TCF12: variants seen among roughly 807,000 people sequenced by gnomAD.
The protein encoded by TCF12 is transcription factor 12.
In TCF12, 45 loss-of-function variants were observed where a neutral mutation model predicts 86.0. The ratio of observed to expected loss-of-function variants is 0.52; its 90% CI spans 0.41 to 0.67. The LOEUF is 0.67. TCF12 is among the 30% of genes least tolerant of loss of function. TCF12 has a pLI of 0.00. For synonymous variants in TCF12, 330 were observed against 299.6 expected, an observed-to-expected ratio of 1.10 and a Z score of -1.05; for missense variants, 881 against 859.9, an observed-to-expected ratio of 1.02 and a Z score of -0.31.
At chr15:57,158,352 G>A (rs2054269305) in intron 5 of TCF12, among the ~76,000 whole-genome samples, 1 of 151,750 alleles carries the variant, frequency 6.6e-6, no homozygotes, top group South Asian at 2.1e-4. Context: ...ATGATTTTTT[G>A]TATTTTTTGT....
At chr15:57,070,853 A>C (rs997951503) in intron 4 of TCF12, among the ~76,000 whole-genome samples, 1 of 152,148 alleles carries the variant, frequency 6.6e-6, no homozygotes, top group Admixed American at 6.5e-5. Context: ...TGGGTAGTTC[A>C]TTTACATTTG....
chr15:57,256,978 C>A (rs1277212105), intron 16 of TCF12, among the ~76,000 whole-genome samples: 1 of 152,098 alleles, frequency 6.6e-6, no homozygotes, highest in Non-Finnish European at 1.5e-5. Context: ...CTATAAAGGG[C>A]CAGAGAGTAA....
Position 57,005,345 on chromosome 15 carries a change from G to T in TCF12, c.149-58405G>T, listed in dbSNP as rs577835426. Among the ~76,000 whole-genome samples, 26 of 152,074 alleles carry T rather than the reference G, an allele frequency of 1.7e-4. No individual in the cohort carries two copies. The South Asian group carries it at 5.4e-3, about 32-fold the overall frequency. The stretch of plus-strand genomic sequence containing the variant: ...TGCATATACTATATAAACACTGCAC[G>T]TGTTTCCTAGATTTATATGATTGTG... On this transcript the variant is annotated intron_variant, in intron 3 of 20. Transcript: ENST00000333725.
At chr15:57,155,447 C>T (rs1167906081) in intron 5 of TCF12, among the ~76,000 whole-genome samples, 1 of 152,102 alleles carries the variant, frequency 6.6e-6, no homozygotes, top group Non-Finnish European at 1.5e-5. Context: ...CTGGAGACAG[C>T]TCAATGAAAA....
intron 5 of TCF12, among the ~76,000 whole-genome samples, chr15:57,100,681 A>G (rs1596527051): frequency 6.6e-6 from 1 of 152,200 alleles, no homozygotes; most frequent in South Asian, 2.1e-4. Context: ...AACTGGATAA[A>G]TAATATGTTA....
At chr15:57,208,850 G>T (rs1006120221) in intron 8 of TCF12, among the ~76,000 whole-genome samples, 1 of 151,790 alleles carries the variant, frequency 6.6e-6, no homozygotes, top group African/African-American at 2.4e-5. Flanking sequence ...TGAGTAACTG[G>T]GACTACAGGC....
intron 3 of TCF12, among the ~76,000 whole-genome samples, chr15:56,998,794 C>T (rs556026075): frequency 9.9e-5 from 15 of 152,168 alleles, no homozygotes; most frequent in African/African-American, 3.6e-4. Context: ...TTAATACAAA[C>T]CTTAACAAAT....
At chr15:56,932,650 C>T (rs1864754569) in intron 3 of TCF12, among the ~76,000 whole-genome samples, 1 of 152,022 alleles carries the variant, frequency 6.6e-6, no homozygotes, top group Admixed American at 6.5e-5. Flanking sequence ...CTCACTGCAA[C>T]CTTTGCCTTC....
chr15:56,918,636 C>T (rs1340146611), upstream of TCF12: 6 of 201,586 alleles, frequency 3.0e-5, no homozygotes, highest in African/African-American at 1.4e-4. Flanking sequence ...GCGGAGGGAT[C>T]CGGAGGCGAG....
chr15:57,054,331 T>C (rs539993878), intron 3 of TCF12, among the ~76,000 whole-genome samples: 12 of 152,244 alleles, frequency 7.9e-5, no homozygotes, highest in Non-Finnish European at 1.0e-4. Flanking sequence ...TTGATAGTTA[T>C]GCAGAAACTG....
At chr15:57,022,013 C>A (rs1174926207) in intron 3 of TCF12, among the ~76,000 whole-genome samples, 1 of 151,838 alleles carries the variant, frequency 6.6e-6, no homozygotes, top group Non-Finnish European at 1.5e-5. Flanking sequence ...TAATCATAAA[C>A]CCTGGTGATC....
intron 3 of TCF12, among the ~76,000 whole-genome samples, chr15:57,061,952 CAG>C (rs1178303914): frequency 6.6e-6 from 1 of 151,620 alleles, no homozygotes; most frequent in Non-Finnish European, 1.5e-5. Context: ...GAGATGGTAA[CAG>C]TGTTTTTTTT....
chr15:56,919,745 C>G (rs572900763), intron 1 of TCF12, 147 bp from the exon 2 acceptor site: 2 of 633,206 alleles, frequency 3.2e-6, no homozygotes, highest in East Asian at 6.3e-5. Context: ...GCCCCTTGCT[C>G]GCGCCGCGGT....
At chr15:57,222,786 T>TTA in intron 8 of TCF12, among the ~76,000 whole-genome samples, 1 of 141,068 alleles carries the variant, frequency 7.1e-6, no homozygotes, top group African/African-American at 2.6e-5. Context: ...TTTTTTTTTT[T>TTA]TTTTTTTTAC....
intron 3 of TCF12, among the ~76,000 whole-genome samples, chr15:57,046,309 T>A (rs1355527909): frequency 6.6e-6 from 1 of 152,242 alleles, no homozygotes; most frequent in Non-Finnish European, 1.5e-5. Flanking sequence ...GTTTGTCACC[T>A]TACATAGTTA....
chr15:57,094,514 G>C (rs2049189020), intron 5 of TCF12, among the ~76,000 whole-genome samples: 3 of 152,158 alleles, frequency 2.0e-5, no homozygotes. Context: ...CCAAACGTGG[G>C]TTTATAGCAA....
intron 3 of TCF12, among the ~76,000 whole-genome samples, chr15:56,949,734 A>G (rs536892159): frequency 6.6e-5 from 10 of 152,276 alleles, no homozygotes; most frequent in African/African-American, 2.4e-4. Context: ...TGGAAGAGCT[A>G]ATTTGTTTGG....
At chr15:56,937,685 T>C (rs2060529572) in intron 3 of TCF12, among the ~76,000 whole-genome samples, 3 of 152,156 alleles carry the variant, frequency 2.0e-5, no homozygotes, top group Non-Finnish European at 4.4e-5. Context: ...TGTGGGTTTG[T>C]CATAGGTGGC....
chr15:57,050,479 C>A (rs1183277696), intron 3 of TCF12, among the ~76,000 whole-genome samples: 1 of 151,986 alleles, frequency 6.6e-6, no homozygotes, highest in Non-Finnish European at 1.5e-5. Context: ...TTGAAGATTT[C>A]TTTCTTTGCG....
Sources: allele counts gnomAD v4.1 joint callset (sites outside exome capture counted in the v4.1 genomes callset), GRCh38; gene constraint gnomAD v4.1.1; transcripts MANE v1.5; gene names NCBI Gene and HGNC (gene_info 2026-07-23, HGNC 2026-07-21).